AGBL4: variants seen among roughly 807,000 people sequenced by gnomAD.
AGBL4 encodes AGBL carboxypeptidase 4, also known as cytosolic carboxypeptidase 6.
In AGBL4, 58 loss-of-function variants were observed where a neutral mutation model predicts 66.4. The ratio of observed to expected loss-of-function variants is 0.87; its 90% CI spans 0.71 to 1.09. AGBL4 has a LOEUF of 1.09. AGBL4 is among the 50% of genes least tolerant of loss of function. AGBL4 has a pLI of 0.00. For missense variants in AGBL4, 579 were observed against 631.0 expected, an observed-to-expected ratio of 0.92 and a Z score of 0.88; for synonymous variants, 234 against 222.9, an observed-to-expected ratio of 1.05 and a Z score of -0.44.
intron 9 of AGBL4, among the ~76,000 whole-genome samples, chr1:48,602,552 G>A (rs1312046812): frequency 6.6e-6 from 1 of 152,186 alleles, no homozygotes; most frequent in Admixed American, 6.5e-5. Context: ...CGAGACAGCA[G>A]TTCAATCATT....
At position 49,819,992 on chromosome 1, in the gene AGBL4, G is replaced by A. The variant is rs117089357; in HGVS notation, c.157+31404C>T. Among the ~76,000 whole-genome samples, 5 of 152,254 alleles carry A rather than the reference G, an allele frequency of 3.3e-5. No individual in the cohort carries two copies. The East Asian group carries it at 9.7e-4, about 29-fold the overall frequency. The stretch of plus-strand genomic sequence containing the variant: ...CGCAGGGTACCTACAGAGGAAGAAC[G>A]CTAGGCACTAGGTCTCTGAAGCTAG... On this transcript the variant is annotated intron_variant, in intron 2 of 13. Transcript: ENST00000371839.
intron 1 of AGBL4, among the ~76,000 whole-genome samples, chr1:49,922,659 C>T (rs1652374973): frequency 6.6e-6 from 1 of 152,098 alleles, no homozygotes; most frequent in Non-Finnish European, 1.5e-5. Context: ...AGCATTCCTA[C>T]AAACCAACAA....
intron 3 of AGBL4, among the ~76,000 whole-genome samples, chr1:49,461,563 T>A (rs538417410): frequency 6.6e-6 from 1 of 151,226 alleles, no homozygotes; most frequent in Non-Finnish European, 1.5e-5. Context: ...TGGTTTGCTA[T>A]ACCCATCAAC....
chr1:48,565,810 C>T (rs1644467695), intron 11 of AGBL4, among the ~76,000 whole-genome samples: 1 of 152,234 alleles, frequency 6.6e-6, no homozygotes, highest in Non-Finnish European at 1.5e-5. Context: ...ATTGGGGAAG[C>T]CGTCTAGGGC....
chr1:48,651,140 C>T (rs1279357352), intron 8 of AGBL4, among the ~76,000 whole-genome samples: 1 of 152,148 alleles, frequency 6.6e-6, no homozygotes, highest in Non-Finnish European at 1.5e-5. Context: ...AGCATTAATG[C>T]TTCTGGTTAG....
chr1:49,721,522 C>T (rs908350415), intron 2 of AGBL4, among the ~76,000 whole-genome samples: 10 of 152,082 alleles, frequency 6.6e-5, no homozygotes, highest in Admixed American at 5.9e-4. Context: ...GATATTAGGA[C>T]AAGTTGCTGG....
In AGBL4 at chr1:49,077,989, G is replaced by A. The variant is rs184374746; in HGVS notation, c.378-32189C>T. ...ATTATTATTAATATACCCCTTTAAA[G>A]AATGAAAAACCAGGTTTGAAGAGGT... On this transcript the variant is annotated intron_variant, in intron 4 of 13. Transcript: ENST00000371839. 3.3e-3 allele frequency among the ~76,000 whole-genome samples: 505 copies of A among 152,144 alleles called. 5 individuals carry two copies. Among genetic ancestry groups the A allele is most frequent in the Middle Eastern group, 0.014 (4 of 294 alleles).
chr1:49,771,557 T>C (rs1209972397), intron 2 of AGBL4, among the ~76,000 whole-genome samples: 1 of 152,144 alleles, frequency 6.6e-6, no homozygotes, highest in East Asian at 1.9e-4. Context: ...ATTAATCTTC[T>C]GTTATGATGC....
intron 3 of AGBL4, among the ~76,000 whole-genome samples, chr1:49,685,052 C>A (rs556263124): frequency 6.6e-6 from 1 of 152,228 alleles, no homozygotes; most frequent in South Asian, 2.1e-4. Context: ...GAACCTCACC[C>A]TCCTCCCACC....
At chr1:48,742,789 G>T in intron 6 of AGBL4, 1 of 1,542,730 alleles carries the variant, frequency 6.5e-7, no homozygotes, top group Non-Finnish European at 8.8e-7. Flanking sequence ...GTTAAGAAAA[G>T]AAATCTGTCT....
intron 4 of AGBL4, among the ~76,000 whole-genome samples, chr1:49,058,775 C>A (rs184385468): frequency 2.0e-4 from 30 of 152,280 alleles, no homozygotes; most frequent in Non-Finnish European, 7.4e-5. Context: ...GAAGTCTAGC[C>A]TGAGGTGGTC....
chr1:49,904,590 G>C (rs1650081064), intron 1 of AGBL4, among the ~76,000 whole-genome samples: 1 of 152,142 alleles, frequency 6.6e-6, no homozygotes. Flanking sequence ...CTCCAAACTA[G>C]GTTGCCTTCA....
intron 6 of AGBL4, among the ~76,000 whole-genome samples, chr1:48,863,756 AC>A (rs199682677): frequency 7.9e-5 from 12 of 152,136 alleles, no homozygotes; most frequent in Non-Finnish European, 1.2e-4. Context: ...CCATACACAC[AC>A]AAAAAAATAA....
intron 6 of AGBL4, among the ~76,000 whole-genome samples, chr1:48,795,900 C>T (rs189854642): frequency 2.6e-5 from 4 of 152,274 alleles, no homozygotes; most frequent in South Asian, 2.1e-4. Context: ...GTGATCCACC[C>T]GCCTCAGCCT....
chr1:49,539,039 A>G (rs1651812649), intron 3 of AGBL4, among the ~76,000 whole-genome samples: 1 of 152,124 alleles, frequency 6.6e-6, no homozygotes, highest in Admixed American at 6.5e-5. Flanking sequence ...AATAGAAATA[A>G]CCTAACCTAA....
At position 49,571,189 on chromosome 1, in the gene AGBL4, T is replaced by C. The variant is rs77807295; in HGVS notation, c.282+126124A>G. ...TAGATTTCTTTGAGCAGTATAATCCTTTAACTACATTAATTCTTCAGGTAC... is the reference window on the plus strand; with the variant it reads ...TAGATTTCTTTGAGCAGTATAATCCCTTAACTACATTAATTCTTCAGGTAC... On this transcript the variant is annotated intron_variant, in intron 3 of 13. Transcript: ENST00000371839. 2.8e-3 allele frequency among the ~76,000 whole-genome samples: 433 copies of C among 152,102 alleles called. 3 individuals carry two copies. The highest frequency in any genetic ancestry group is 9.9e-3 in the African/African-American group (411 of 41,528).
intron 6 of AGBL4, among the ~76,000 whole-genome samples, chr1:48,863,226 T>C (rs1219240019): frequency 3.3e-5 from 5 of 152,090 alleles, no homozygotes; most frequent in African/African-American, 9.7e-5. Context: ...AGAAAATGTA[T>C]AGCTAAGTAC....
At chr1:49,101,334 G>A (rs6684544) in intron 4 of AGBL4, among the ~76,000 whole-genome samples, 15,516 of 151,784 alleles carry the variant, frequency 0.1, 1,299 homozygotes, top group African/African-American at 0.22. Flanking sequence ...TTACAGGTGC[G>A]TGGCAGCATC....
chr1:49,466,141 C>T (rs1173371567), intron 3 of AGBL4, among the ~76,000 whole-genome samples: 1 of 151,822 alleles, frequency 6.6e-6, no homozygotes, highest in Non-Finnish European at 1.5e-5. Context: ...GGCTGTTTAC[C>T]TGTATGATAA....
Sources: gnomAD v4.1 joint callset for allele counts (sites outside exome capture counted in the v4.1 genomes callset) on GRCh38, gnomAD v4.1.1 for gene constraint, MANE v1.5 for transcripts, NCBI Gene and HGNC (gene_info 2026-07-23, HGNC 2026-07-21) for gene names.